NFIA: variants seen among roughly 807,000 people sequenced by gnomAD.
NFIA encodes the protein nuclear factor 1 A-type.
NFIA carries 8 observed loss-of-function variants against 62.8 expected under a neutral mutation model. That is an observed-to-expected ratio of 0.13 (90% CI 0.07 to 0.23). NFIA has a LOEUF of 0.23. Among genes scored for constraint, NFIA ranks in the 10% least tolerant of loss-of-function variants. NFIA has a pLI of 1.00. For synonymous variants in NFIA, 235 were observed against 238.1 expected, an observed-to-expected ratio of 0.99 and a Z score of 0.12; for missense variants, 410 against 642.1, an observed-to-expected ratio of 0.64 and a Z score of 3.91.
At chr1:61,325,503 G>T (rs1223520562) in intron 3 of NFIA, among the ~76,000 whole-genome samples, 1 of 152,204 alleles carries the variant, frequency 6.6e-6, no homozygotes, top group Non-Finnish European at 1.5e-5. Flanking sequence ...AACAAGAGCA[G>T]TTTCATCACC....
At chr1:61,092,397 C>T (rs776058675) in intron 2 of NFIA, among the ~76,000 whole-genome samples, 16 of 152,118 alleles carry the variant, frequency 1.1e-4, no homozygotes, top group Non-Finnish European at 2.4e-4. Flanking sequence ...CACTTTTGCA[C>T]GGTAATCTTT....
intron 2 of NFIA, among the ~76,000 whole-genome samples, chr1:61,232,665 CAG>C (rs983156061): frequency 1.3e-5 from 2 of 152,132 alleles, no homozygotes; most frequent in African/African-American, 4.8e-5. Flanking sequence ...AATTAATGCA[CAG>C]AGATTTTTTT....
At chr1:61,364,701 G>C (rs1299548839) in intron 6 of NFIA, among the ~76,000 whole-genome samples, 1 of 152,084 alleles carries the variant, frequency 6.6e-6, no homozygotes. Flanking sequence ...TTGTTGTTTA[G>C]TATTAGCTCC....
chr1:61,187,929 T>A (rs1391660215), intron 2 of NFIA, among the ~76,000 whole-genome samples: 5 of 152,132 alleles, frequency 3.3e-5, no homozygotes, highest in Non-Finnish European at 5.9e-5. Context: ...GTAAGGAGGT[T>A]GAATAGCCTC....
upstream of NFIA, among the ~76,000 whole-genome samples, chr1:61,081,340 C>T (rs893476394): frequency 4.6e-5 from 7 of 151,896 alleles, no homozygotes; most frequent in Admixed American, 4.6e-4. Context: ...CAAAACAATA[C>T]TTTAGCAAAC....
At chr1:61,205,111 A>G (rs962221836) in intron 2 of NFIA, among the ~76,000 whole-genome samples, 1 of 152,190 alleles carries the variant, frequency 6.6e-6, no homozygotes, top group South Asian at 2.1e-4. Context: ...TACTATTATT[A>G]TCTATCTCCA....
intron 2 of NFIA, among the ~76,000 whole-genome samples, chr1:61,162,639 C>A (rs1299906927): frequency 1.3e-5 from 2 of 152,084 alleles, no homozygotes; most frequent in Admixed American, 6.5e-5. Flanking sequence ...TTCCTTTTAG[C>A]CCACTATCTG....
chr1:61,216,797 C>T (rs542621584), intron 2 of NFIA, among the ~76,000 whole-genome samples: 10 of 152,028 alleles, frequency 6.6e-5, no homozygotes, highest in East Asian at 5.9e-4. Context: ...GTCAGGAGTT[C>T]GAGACCAGTC....
intron 2 of NFIA, among the ~76,000 whole-genome samples, chr1:61,201,006 A>G (rs972854474): frequency 1.3e-5 from 2 of 152,178 alleles, no homozygotes; most frequent in Admixed American, 6.5e-5. Flanking sequence ...GGGTTGCTGA[A>G]ACACAGCAAA....
intron 2 of NFIA, among the ~76,000 whole-genome samples, chr1:61,212,531 C>A (rs1273235546): frequency 6.6e-6 from 1 of 152,094 alleles, no homozygotes; most frequent in Non-Finnish European, 1.5e-5. Context: ...TTTCTATCAT[C>A]TACTAAACAT....
chr1:61,429,506 G>C (rs573479399), intron 10 of NFIA, among the ~76,000 whole-genome samples: 170 of 152,312 alleles, frequency 1.1e-3, no homozygotes, highest in Non-Finnish European at 1.9e-3. Flanking sequence ...ACTTCTCAGG[G>C]ATACTACTGG....
At chr1:61,215,624 T>C (rs376934012) in intron 2 of NFIA, among the ~76,000 whole-genome samples, 3 of 152,226 alleles carry the variant, frequency 2.0e-5, no homozygotes, top group Non-Finnish European at 4.4e-5. Flanking sequence ...GTGTAACTTA[T>C]TCAAGTAAAT....
At chr1:61,293,865 G>A (rs1659039336) in intron 3 of NFIA, among the ~76,000 whole-genome samples, 1 of 152,186 alleles carries the variant, frequency 6.6e-6, no homozygotes, top group Non-Finnish European at 1.5e-5. Context: ...AAAATCTAAT[G>A]TGCTCAAAGC....
intron 2 of NFIA, among the ~76,000 whole-genome samples, chr1:61,201,506 T>C (rs1394759640): frequency 2.0e-5 from 3 of 151,258 alleles, no homozygotes; most frequent in Non-Finnish European, 4.4e-5. Flanking sequence ...TTCTCTTTCC[T>C]TTCAACTAAA....
intron 2 of NFIA, among the ~76,000 whole-genome samples, chr1:61,098,568 G>C (rs182169923): frequency 6.6e-6 from 1 of 152,196 alleles, no homozygotes; most frequent in East Asian, 1.9e-4. Context: ...GTTCAACAGC[G>C]TAACTATTGT....
chr1:61,267,020 T>C (rs1486363665), intron 2 of NFIA, among the ~76,000 whole-genome samples: 3 of 152,148 alleles, frequency 2.0e-5, no homozygotes, highest in Non-Finnish European at 4.4e-5. Flanking sequence ...AAAGCTAATA[T>C]AAATAGCCAA....
intron 6 of NFIA, among the ~76,000 whole-genome samples, chr1:61,380,433 G>T (rs867694440): frequency 6.6e-6 from 1 of 152,098 alleles, no homozygotes; most frequent in Non-Finnish European, 1.5e-5. Flanking sequence ...TGTAACAGTT[G>T]TGCATAAATA....
At position 61,356,754 on chromosome 1, in the gene NFIA, T is replaced by C. The variant is rs116944440; in HGVS notation, c.819-2393T>C. On this transcript the variant is annotated intron_variant, in intron 5 of 10. Transcript: ENST00000403491. ...AAGGCATTTCCTTTGAGTACTAAGC[T>C]AGCATGGCACAGTTATGTTGCTTTC... Among the ~76,000 whole-genome samples, 101 of 152,360 alleles carry C rather than the reference T, an allele frequency of 6.6e-4. No individual in the cohort carries two copies. In the East Asian group the frequency reaches 0.015, roughly 22 times the overall value.
rs185291883 is a variant in NFIA at position 61,323,013 on chromosome 1, T to G, written c.626-9499T>G. On this transcript the variant is annotated intron_variant, in intron 3 of 10. Transcript: ENST00000403491. The stretch of plus-strand genomic sequence containing the variant: ...CAAAAACAAACAAAAAAACACAGAT[T>G]AGGTGTCTGTATTGAGTAACAGTAA... Among the ~76,000 whole-genome samples, 5 of 152,270 alleles carry G rather than the reference T, an allele frequency of 3.3e-5. No homozygotes were observed. In the East Asian group the frequency reaches 9.7e-4, roughly 29 times the overall value.
Sources: allele counts gnomAD v4.1 joint callset (sites outside exome capture counted in the v4.1 genomes callset), GRCh38; gene constraint gnomAD v4.1.1; transcripts MANE v1.5; gene names NCBI Gene and HGNC (gene_info 2026-07-23, HGNC 2026-07-21).